SIPA1L1: variants seen among roughly 807,000 people sequenced by gnomAD.
The protein encoded by SIPA1L1 is signal induced proliferation associated 1 like 1.
Under a neutral mutation model 162.7 loss-of-function variants are expected in SIPA1L1, and 26 were observed. The ratio of observed to expected loss-of-function variants is 0.16; its 90% CI spans 0.12 to 0.22. The LOEUF is 0.22. Among genes scored for constraint, SIPA1L1 ranks in the 10% least tolerant of loss-of-function variants. SIPA1L1 has a pLI of 1.00. For missense variants in SIPA1L1, 1,874 were observed against 2,241.0 expected, an observed-to-expected ratio of 0.84 and a Z score of 3.31; for synonymous variants, 829 against 837.4, an observed-to-expected ratio of 0.99 and a Z score of 0.17.
chr14:71,531,964 A>G (rs2053484290), intron 4 of SIPA1L1, among the ~76,000 whole-genome samples: 1 of 152,126 alleles, frequency 6.6e-6, no homozygotes, highest in African/African-American at 2.4e-5. Flanking sequence ...CAACTTGAGA[A>G]CCTAATTACT....
intron 2 of SIPA1L1, among the ~76,000 whole-genome samples, chr14:71,364,648 T>A (rs2038113293): frequency 6.6e-6 from 1 of 152,186 alleles, no homozygotes; most frequent in Non-Finnish European, 1.5e-5. Flanking sequence ...GTTTTATTAT[T>A]AACATAATTA....
intron 8 of SIPA1L1, among the ~76,000 whole-genome samples, chr14:71,657,876 T>C (rs989124381): frequency 2.0e-5 from 3 of 152,124 alleles, no homozygotes; most frequent in African/African-American, 7.2e-5. Flanking sequence ...CCACAGTAAT[T>C]CATTTACCTG....
At chr14:71,542,629 C>G in intron 4 of SIPA1L1, among the ~76,000 whole-genome samples, 1 of 125,554 alleles carries the variant, frequency 8.0e-6, no homozygotes, top group Non-Finnish European at 1.7e-5. Flanking sequence ...TCCTCCTCCC[C>G]TTCTTCTTCC....
chr14:71,507,131 G>C (rs1460263237), intron 2 of SIPA1L1, among the ~76,000 whole-genome samples: 1 of 152,072 alleles, frequency 6.6e-6, no homozygotes, highest in Non-Finnish European at 1.5e-5. Context: ...GGTTAAATGG[G>C]CCTTTTTGCT....
intron 2 of SIPA1L1, among the ~76,000 whole-genome samples, chr14:71,454,400 A>G (rs763625277): frequency 2.0e-5 from 3 of 152,342 alleles, no homozygotes; most frequent in East Asian, 1.9e-4. Flanking sequence ...ATTGGCAGTT[A>G]TTGAATCTCA....
chr14:71,650,882 A>G (rs1001910941), intron 8 of SIPA1L1, among the ~76,000 whole-genome samples: 3 of 152,160 alleles, frequency 2.0e-5, no homozygotes, highest in African/African-American at 4.8e-5. Context: ...TTTGACTTCC[A>G]TTAATTCATT....
At chr14:71,353,451 G>A (rs1015821155) in intron 2 of SIPA1L1, among the ~76,000 whole-genome samples, 4 of 152,210 alleles carry the variant, frequency 2.6e-5, no homozygotes, top group South Asian at 2.1e-4. Context: ...TGAGCTGAGA[G>A]AGGCATTGAG....
At chr14:71,505,477 G>C (rs1266790358) in intron 2 of SIPA1L1, among the ~76,000 whole-genome samples, 1 of 125,972 alleles carries the variant, frequency 7.9e-6, no homozygotes, top group Non-Finnish European at 1.7e-5. Context: ...TGTCAATCTT[G>C]TTATCCCATG....
chr14:71,625,456 C>T (rs191664264), intron 7 of SIPA1L1, among the ~76,000 whole-genome samples: 108 of 152,304 alleles, frequency 7.1e-4, no homozygotes, highest in Non-Finnish European at 1.3e-3. Flanking sequence ...TGCGCCACTG[C>T]GCCTGGCCAG....
chr14:71,467,270 T>C (rs750773041), intron 2 of SIPA1L1: 29 of 152,236 alleles, frequency 1.9e-4, no homozygotes, highest in Non-Finnish European at 3.8e-4. Context: ...CTTGTCTTTG[T>C]AGATATCAGG....
At chr14:71,535,600 G>A (rs376906014) in intron 4 of SIPA1L1, among the ~76,000 whole-genome samples, 4 of 145,772 alleles carry the variant, frequency 2.7e-5, no homozygotes, top group African/African-American at 7.5e-5. Context: ...TCCCTCCTAG[G>A]TTTTTTTTTT....
chr14:71,485,267 A>T (rs556157889), intron 2 of SIPA1L1, among the ~76,000 whole-genome samples: 1 of 152,332 alleles, frequency 6.6e-6, no homozygotes, highest in East Asian at 1.9e-4. Context: ...CCAGATATTC[A>T]TTTAGAGAAG....
chr14:71,710,748 C>T (rs892880866), intron 17 of SIPA1L1, among the ~76,000 whole-genome samples: 6 of 140,584 alleles, frequency 4.3e-5, no homozygotes, highest in Non-Finnish European at 6.0e-5. Flanking sequence ...GCAGAGGTTG[C>T]GGTGAGCCAA....
At chr14:71,521,050 A>G (rs1251526921) in intron 3 of SIPA1L1, among the ~76,000 whole-genome samples, 1 of 152,156 alleles carries the variant, frequency 6.6e-6, no homozygotes, top group Non-Finnish European at 1.5e-5. Context: ...CAGTGTGCCC[A>G]GCCTAGCTTT....
chr14:71,542,767 G>A (rs1460004376), intron 4 of SIPA1L1, among the ~76,000 whole-genome samples: 3 of 114,424 alleles, frequency 2.6e-5, no homozygotes, highest in Non-Finnish European at 3.3e-5. Flanking sequence ...TTTTTTTTAC[G>A]AGATACAGTC....
chr14:71,665,101 A>T (rs2043874795), intron 10 of SIPA1L1, among the ~76,000 whole-genome samples: 1 of 152,212 alleles, frequency 6.6e-6, no homozygotes, highest in Non-Finnish European at 1.5e-5. Flanking sequence ...AGGAAAAATT[A>T]TCCAGTGTTA....
Position 71,673,821 on chromosome 14 carries a change from C to T in SIPA1L1, c.3104+1199C>T, listed in dbSNP as rs181259761. Among the ~76,000 whole-genome samples, 3 of 152,286 alleles carry T rather than the reference C, an allele frequency of 2.0e-5. No homozygotes were observed. The East Asian group carries it at 5.8e-4, about 29-fold the overall frequency. ...GAGAGGAGTAAATATTCAGAAACTG[C>T]CCTACCCACATACCCTGCCTTAGTT... On this transcript the variant is annotated intron_variant, in intron 12 of 23. Coordinates refer to ENST00000381232, the MANE Select transcript of SIPA1L1 (RefSeq NM_001386936.1).
intron 2 of SIPA1L1, among the ~76,000 whole-genome samples, chr14:71,372,598 T>C (rs755629066): frequency 3.6e-4 from 55 of 152,192 alleles, no homozygotes; most frequent in Non-Finnish European, 6.9e-4. Flanking sequence ...TTTCAGTATA[T>C]TGACATCACA....
At position 71,683,822 on chromosome 14, in the gene SIPA1L1, C is replaced by T. The variant is rs184121485; in HGVS notation, c.3105-1540C>T. Among the ~76,000 whole-genome samples the T allele has an allele frequency of 1.1e-3, 171 of 152,306 alleles. 1 individual carries two copies. Among genetic ancestry groups the T allele is most frequent in the Admixed American group, 6.4e-3 (98 of 15,302 alleles). On this transcript the variant is annotated intron_variant, in intron 12 of 23. Coordinates refer to ENST00000381232, the MANE Select transcript of SIPA1L1 (RefSeq NM_001386936.1). ...TTTACAGACTGCAGACCATAACTCT[C>T]AAGTAGATCATCAAATCAATTTAGG...
Sources: allele counts gnomAD v4.1 joint callset (sites outside exome capture counted in the v4.1 genomes callset), GRCh38; gene constraint gnomAD v4.1.1; transcripts MANE v1.5; gene names NCBI Gene and HGNC (gene_info 2026-07-23, HGNC 2026-07-21).